The following RIMS1 variants were observed in gnomAD, a reference collection of about 807,000 sequenced individuals.
The protein encoded by RIMS1 is regulating synaptic membrane exocytosis 1, also known as regulating synaptic membrane exocytosis protein 1.
Under a neutral mutation model 214.1 loss-of-function variants are expected in RIMS1, and 83 were observed. That is an observed-to-expected ratio of 0.39 (90% CI 0.32 to 0.47). RIMS1 has a LOEUF of 0.47. RIMS1 is among the 20% of genes least tolerant of loss of function. The probability of loss-of-function intolerance (pLI) is 0.99; values close to 1 mark genes in which losing one functional copy is unlikely to be tolerated. For missense variants in RIMS1, 2,050 were observed against 2,161.8 expected, an observed-to-expected ratio of 0.95 and a Z score of 1.03; for synonymous variants, 793 against 786.8, an observed-to-expected ratio of 1.01 and a Z score of -0.13.
chr6:72,246,843 T>G (rs2070084882), intron 11 of RIMS1, among the ~76,000 whole-genome samples: 1 of 152,194 alleles, frequency 6.6e-6, no homozygotes, highest in African/African-American at 2.4e-5. Context: ...AATAACAGTG[T>G]TCCTGTTCTG....
chr6:72,293,205 A>G (rs2093649511), intron 26 of RIMS1, among the ~76,000 whole-genome samples: 2 of 152,018 alleles, frequency 1.3e-5, no homozygotes. Context: ...TTTAAAATAC[A>G]TTCTATTGAT....
intron 23 of RIMS1, among the ~76,000 whole-genome samples, chr6:72,280,950 C>CTG (rs533268718): frequency 3.0e-4 from 46 of 151,996 alleles, no homozygotes; most frequent in East Asian, 1.2e-3. Flanking sequence ...TTAGCAAAAC[C>CTG]TGTGTGTGTG....
chr6:72,392,528 T>C (rs1412692565), intron 30 of RIMS1, among the ~76,000 whole-genome samples, 170 bp from the exon 31 acceptor site: 1 of 152,176 alleles, frequency 6.6e-6, no homozygotes, highest in Non-Finnish European at 1.5e-5. Flanking sequence ...CAGTCAATGT[T>C]AAGCCTCATA....
In RIMS1 at chr6:72,401,269, T is replaced by G. The variant is rs1329507580; in HGVS notation, c.*555T>G. The G allele has an allele frequency of 1.3e-5, 2 of 152,894 alleles. No homozygotes were observed. The highest frequency in any genetic ancestry group is 2.9e-5 in the Non-Finnish European group (2 of 68,270). 9.5% of individuals were successfully genotyped at this position (152,894 alleles called of 1,614,324 possible). A position where few individuals can be genotyped will look rare whatever the true frequency, so the allele number is the denominator to read the frequency against. ...ACAGGCCTCATGATGCTAACAGAGA[T>G]TCTTCCCTTCTTTTTTCCAAAAGCA... On this transcript the variant is annotated 3_prime_UTR_variant, in exon 34 of 34. Transcript: ENST00000521978.
At chr6:71,941,588 C>A (rs562801408) in intron 1 of RIMS1, among the ~76,000 whole-genome samples, 1 of 152,258 alleles carries the variant, frequency 6.6e-6, no homozygotes, top group East Asian at 1.9e-4. Flanking sequence ...CTCATCCTTT[C>A]TTCTGTTTCT....
chr6:72,307,202 A>G (rs1391518609), intron 26 of RIMS1, 56 bp from the exon 27 acceptor site: 4 of 1,081,610 alleles, frequency 3.7e-6, no homozygotes, highest in Admixed American at 4.1e-5. Context: ...TAAACCATTC[A>G]GTTCCTGAAA....
chr6:72,365,607 C>A lies in RIMS1; in HGVS notation c.4367-24991C>A, dbSNP rs550095717. On this transcript the variant is annotated intron_variant, in intron 29 of 33. Transcript: ENST00000521978. ...ATCTTTGTAAGTAAAAGAGGGCCAC[C>A]ATTAGTAATATGCTAGAACAGGCAT... 1.6e-4 allele frequency among the ~76,000 whole-genome samples: 24 copies of A among 152,280 alleles called. No homozygotes were observed. In the Middle Eastern group the frequency reaches 0.014, roughly 86 times the overall value.
At chr6:72,264,713 A>G (rs769456603) in intron 19 of RIMS1, among the ~76,000 whole-genome samples, 4 of 152,158 alleles carry the variant, frequency 2.6e-5, no homozygotes, top group Admixed American at 6.6e-5. Flanking sequence ...ATGATAATTC[A>G]TAGAGTTTGG....
At chr6:72,183,189 G>GT in intron 6 of RIMS1, 40 bp downstream of exon 6, 4 of 1,568,002 alleles carry the variant, frequency 2.6e-6, no homozygotes, top group Non-Finnish European at 3.4e-6. Flanking sequence ...CTTCAGCCAA[G>GT]TGAAGAGGCG....
intron 4 of RIMS1, among the ~76,000 whole-genome samples, chr6:72,115,418 G>A (rs961951549): frequency 6.6e-6 from 1 of 151,856 alleles, no homozygotes; most frequent in Non-Finnish European, 1.5e-5. Context: ...AATTTACAAA[G>A]CGATTAAATT....
At chr6:72,311,380 T>C (rs959836858) in intron 27 of RIMS1, among the ~76,000 whole-genome samples, 1 of 152,222 alleles carries the variant, frequency 6.6e-6, no homozygotes, top group African/African-American at 2.4e-5. Flanking sequence ...ACAGATCTGA[T>C]TAAAATGAAT....
At chr6:71,959,864 A>T (rs1011994071) in intron 1 of RIMS1, among the ~76,000 whole-genome samples, 1 of 152,130 alleles carries the variant, frequency 6.6e-6, no homozygotes, top group Non-Finnish European at 1.5e-5. Context: ...GTATTTCACA[A>T]ATAAATTTTG....
chr6:72,308,022 T>C (rs1268399853), intron 27 of RIMS1, among the ~76,000 whole-genome samples: 1 of 152,122 alleles, frequency 6.6e-6, no homozygotes, highest in Non-Finnish European at 1.5e-5. Flanking sequence ...CCATTTAAGA[T>C]ATTAAGGTAT....
intron 29 of RIMS1, among the ~76,000 whole-genome samples, chr6:72,334,223 AAAG>A (rs2096766332): frequency 6.6e-6 from 1 of 151,904 alleles, no homozygotes; most frequent in Non-Finnish European, 1.5e-5. Flanking sequence ...TTTTTATAGA[AAAG>A]AAGGTCAGTT....
intron 2 of RIMS1, among the ~76,000 whole-genome samples, chr6:72,037,482 C>T (rs1819974754): frequency 6.6e-6 from 1 of 151,730 alleles, no homozygotes; most frequent in South Asian, 2.1e-4. Flanking sequence ...AGTATATTAA[C>T]AAAATACAGA....
chr6:72,146,093 C>G (rs1342340496), intron 4 of RIMS1, among the ~76,000 whole-genome samples: 1 of 152,136 alleles, frequency 6.6e-6, no homozygotes, highest in Non-Finnish European at 1.5e-5. Flanking sequence ...TACTTCAGTC[C>G]TTTATTAGTT....
chr6:72,249,582 C>A (rs1222548668), intron 12 of RIMS1, among the ~76,000 whole-genome samples: 1 of 151,986 alleles, frequency 6.6e-6, no homozygotes, highest in African/African-American at 2.4e-5. Context: ...ACTAGCCTGG[C>A]AACATAGCAA....
intron 1 of RIMS1, among the ~76,000 whole-genome samples, chr6:71,915,369 C>G (rs573814810): frequency 6.6e-6 from 1 of 152,222 alleles, no homozygotes; most frequent in South Asian, 2.1e-4. Flanking sequence ...GATAACCTGC[C>G]TTTCTTTAAA....
chr6:72,015,793 G>GC (rs1812540657), intron 2 of RIMS1, among the ~76,000 whole-genome samples: 2 of 152,144 alleles, frequency 1.3e-5, no homozygotes, highest in African/African-American at 4.8e-5. Flanking sequence ...GGGCATGATG[G>GC]CGGGTGCCTG....
Sources: allele counts gnomAD v4.1 joint callset (sites outside exome capture counted in the v4.1 genomes callset), GRCh38; gene constraint gnomAD v4.1.1; transcripts MANE v1.5; gene names NCBI Gene and HGNC (gene_info 2026-07-23, HGNC 2026-07-21).